Variants in SLC26A11 observed in about 807,000 individuals in gnomAD.
SLC26A11 encodes solute carrier family 26 member 11, also known as sodium-independent sulfate anion transporter.
SLC26A11 carries 58 observed loss-of-function variants against 62.2 expected under a neutral mutation model. That is an observed-to-expected ratio of 0.93 (90% CI 0.76 to 1.16). SLC26A11 has a LOEUF of 1.16. SLC26A11 is among the 50% of genes most tolerant of loss of function. The probability of loss-of-function intolerance (pLI) is 0.00; values close to 1 mark genes in which losing one functional copy is unlikely to be tolerated. For missense variants in SLC26A11, 790 were observed against 794.3 expected (o/e 0.99, Z 0.06); for synonymous variants, 411 against 368.9 (o/e 1.11, Z -1.31).
intron 2 of SLC26A11, chr17:80,221,321 CG>C: frequency 6.3e-6 from 3 of 479,490 alleles, no homozygotes; most frequent in South Asian, 3.9e-5. Flanking sequence ...AGGATTTGCA[CG>C]GGGGGGATTC....
At chr17:80,241,962 C>A in intron 10 of SLC26A11, 141 bp downstream of exon 10, 1 of 918,508 alleles carries the variant, frequency 1.1e-6, no homozygotes, top group Non-Finnish European at 1.8e-6. Context: ...CAGATGGGAT[C>A]TTCTGGAATA....
rs138520983 is a variant in SLC26A11 at position 80,223,319 on chromosome 17, C to G, written c.495C>G (p.Ile165Met). Residue 165 changes from isoleucine to methionine, a missense_variant, in exon 5 of 18, where the codon ATC (isoleucine) becomes ATG (methionine). By Grantham distance (10) the Ile-to-Met change is conservative. Transcript: ENST00000361193. The surrounding 1 kb of genome is among the most constrained non-coding windows in gnomAD (Gnocchi z 4.6). The stretch of plus-strand genomic sequence containing the variant: ...TCACCTCTGCTGCTGCCGTCACCAT[C>G]GGCTTTGGACAGATCAAGGTAGGCA... ...KGFTSAAAVT[I>M]GFGQIKNLLG... 2.2e-5 allele frequency: 35 copies of G among 1,614,146 alleles called. 1 individual carries two copies. Among genetic ancestry groups the G allele is most frequent in the East Asian group, 1.3e-4 (6 of 44,880 alleles).
chr17:80,249,326 C>T (rs766626641), intron 16 of SLC26A11, 39 bp downstream of exon 16: 2 of 1,601,690 alleles, frequency 1.2e-6, no homozygotes, highest in African/African-American at 1.3e-5. Flanking sequence ...TTAGCAGCTG[C>T]CGGAAGGCCT....
intron 9 of SLC26A11, among the ~76,000 whole-genome samples, 191 bp downstream of exon 9, chr17:80,237,785 C>G (rs1299115283): frequency 1.3e-5 from 2 of 152,242 alleles, no homozygotes; most frequent in African/African-American, 4.8e-5. Flanking sequence ...GAGGCATGCC[C>G]TCCCACCCCA....
intron 7 of SLC26A11, among the ~76,000 whole-genome samples, chr17:80,235,389 C>T (rs541832392): frequency 5.8e-4 from 88 of 152,082 alleles, no homozygotes; most frequent in African/African-American, 2.0e-3. Context: ...CAGGGTCTCA[C>T]TGTGTCACCC....
chr17:80,226,775 G>A (rs2144887251), intron 6 of SLC26A11, among the ~76,000 whole-genome samples: 1 of 152,350 alleles, frequency 6.6e-6, no homozygotes, highest in Middle Eastern at 3.4e-3. Flanking sequence ...CAGCGGGAAG[G>A]CAGGATGCCT....
At chr17:80,243,913 C>T (rs999243155) in intron 10 of SLC26A11, among the ~76,000 whole-genome samples, 3 of 152,218 alleles carry the variant, frequency 2.0e-5, no homozygotes, top group African/African-American at 4.8e-5. Context: ...TGGTCAGCTT[C>T]GGCTCACAGA....
rs754003456 is a variant in SLC26A11, at chr17:80,248,614, G to A, written c.1462G>A (p.Gly488Ser). 16 of 1,591,456 alleles carry A rather than the reference G, an allele frequency of 1.0e-5. No homozygotes were observed. Among genetic ancestry groups the A allele is most frequent in the Admixed American group, 1.7e-5 (1 of 57,292 alleles). ...GGTTCTGGTCCTGCAGCCGGCCAGC[G>A]GCCTGTCCTTCCCTGCCATGGAGGC... is the stretch of plus-strand genomic sequence containing the variant. Reference protein sequence around the residue: ...GPVLVLQPASGLSFPAMEALR... With the variant: ...GPVLVLQPASSLSFPAMEALR... The change falls in exon 15 of 18, where the codon GGC becomes AGC. Residue 488 changes from glycine (G) to serine (S), a missense_variant. Physicochemically the swap from Gly to Ser is moderately conservative, Grantham distance 56. Transcript: ENST00000361193.
chr17:80,237,278 C>T (rs563736248), intron 8 of SLC26A11, 175 bp downstream of exon 8: 12 of 867,948 alleles, frequency 1.4e-5, no homozygotes, highest in Admixed American at 5.8e-5. Context: ...GCAAACTCAG[C>T]GAGCTCAGGG....
Position 80,252,899 on chromosome 17 carries a change from G to T in SLC26A11, c.*183G>T. The T allele has an allele frequency of 1.8e-6, 1 of 560,136 alleles. No individual in the cohort carries two copies. The highest frequency in any genetic ancestry group is 1.9e-5 in the African/African-American group (1 of 52,572). The allele number at this position is 560,136 out of a possible 1,614,324, so 34.7% of individuals were successfully genotyped here. A position where few individuals can be genotyped will look rare whatever the true frequency, so the allele number is the denominator to read the frequency against. On this transcript the variant is annotated 3_prime_UTR_variant, in exon 18 of 18. Coordinates refer to ENST00000361193, the MANE Select transcript of SLC26A11 (RefSeq NM_001166347.2). The surrounding 1 kb of genome is among the most constrained non-coding windows in gnomAD (Gnocchi z 5.2). ...CACGGCAGTGGGAGTGGGGCTCACT[G>T]GCTTCCTGTGGGATGACTGGAAAAT...
chr17:80,230,494 G>A (rs1029286240), intron 7 of SLC26A11, among the ~76,000 whole-genome samples: 3 of 152,100 alleles, frequency 2.0e-5, no homozygotes, highest in Non-Finnish European at 4.4e-5. Flanking sequence ...GAAGAAAGGC[G>A]ACCAGCTTAG....
In SLC26A11 at chr17:80,225,829, T is replaced by A. The variant is rs1197144919; in HGVS notation, c.514-8T>A. ...TAGCCTCTGATCAGCATCTCTGTGT[T>A]TGGACAGAACCTGCTGGGACTACAG... On this transcript the variant is annotated splice_region_variant and splice_polypyrimidine_tract_variant and intron_variant, in intron 5 of 17. Coordinates refer to ENST00000361193, the MANE Select transcript of SLC26A11 (RefSeq NM_001166347.2). The A allele has an allele frequency of 6.2e-7, 1 of 1,613,540 alleles. No individual in the cohort carries two copies. The highest frequency in any genetic ancestry group is 8.5e-7 in the Non-Finnish European group (1 of 1,179,578).
In SLC26A11 at chr17:80,223,158, C is replaced by T. The variant is rs1430085777; in HGVS notation, c.428-94C>T. 4 of 1,177,348 alleles carry T rather than the reference C, an allele frequency of 3.4e-6. No homozygotes were observed. Among genetic ancestry groups the T allele is most frequent in the Admixed American group, 1.9e-5 (1 of 53,888 alleles). The allele number at this position is 1,177,348 out of a possible 1,614,324, so 72.9% of individuals were successfully genotyped here. On this transcript the variant is annotated intron_variant, in intron 4 of 17. Coordinates refer to ENST00000361193, the MANE Select transcript of SLC26A11 (RefSeq NM_001166347.2). The surrounding 1 kb of genome is among the most constrained non-coding windows in gnomAD (Gnocchi z 4.6). Reference sequence around the variant, plus strand: ...AGCTGCGGTATCTGCTCCCCAATCCCACCCATTGCCACCTTCCCCAGCTCA... The same window carrying T: ...AGCTGCGGTATCTGCTCCCCAATCCTACCCATTGCCACCTTCCCCAGCTCA...
At chr17:80,245,466 G>T in intron 11 of SLC26A11, 1 of 567,876 alleles carries the variant, frequency 1.8e-6, no homozygotes, top group Non-Finnish European at 3.2e-6. Flanking sequence ...ATACTAGAAA[G>T]TTCCACTGGG....
At chr17:80,247,903 C>T (rs974720193) in intron 13 of SLC26A11, among the ~76,000 whole-genome samples, 7 of 152,182 alleles carry the variant, frequency 4.6e-5, no homozygotes, top group Non-Finnish European at 8.8e-5. Context: ...AGGGACCGGC[C>T]GGCAGGTCTC....
intron 7 of SLC26A11, 165 bp from the exon 8 acceptor site, chr17:80,236,763 A>G (rs1266868307): frequency 1.4e-6 from 1 of 715,328 alleles, no homozygotes; most frequent in Non-Finnish European, 2.3e-6. Flanking sequence ...GCTGCCACAT[A>G]GCATTTATGT....
At chr17:80,243,027 G>T (rs2042905807) in intron 10 of SLC26A11, among the ~76,000 whole-genome samples, 1 of 152,148 alleles carries the variant, frequency 6.6e-6, no homozygotes, top group Non-Finnish European at 1.5e-5. Context: ...CTTAAATTCA[G>T]TTATCATAAC....
intron 14 of SLC26A11, 34 bp from the exon 15 acceptor site, chr17:80,248,541 C>T (rs1438700846): frequency 6.5e-7 from 1 of 1,542,956 alleles, no homozygotes; most frequent in Non-Finnish European, 8.8e-7. Context: ...GCCACCCGGT[C>T]AGACCCGCCT....
rs1055185344 is a variant in SLC26A11, at chr17:80,222,751, C to T, written c.331C>T (p.Leu111=). 1.2e-6 allele frequency: 2 copies of T among 1,614,086 alleles called. No homozygotes were observed. Among genetic ancestry groups the T allele is most frequent in the African/African-American group, 2.7e-5 (2 of 74,942 alleles). The change falls in exon 4 of 18, where the codon CTG becomes TTG. Residue 111 remains leucine (L), a synonymous_variant. Coordinates refer to ENST00000361193, the MANE Select transcript of SLC26A11 (RefSeq NM_001166347.2). This position sits in a 1 kb window ranked among gnomAD's most constrained non-coding sequence, Gnocchi z 4.7. ...GGGCCCCACCGCCATTATGTCCCTC[C>T]TGGTCTCCTTCTACACCTTCCATGA... ...TLGPTAIMSL[L]VSFYTFHEPA... is the part of the protein sequence containing the mutation.
Sources: allele counts gnomAD v4.1 joint callset (sites outside exome capture counted in the v4.1 genomes callset), GRCh38; gene constraint gnomAD v4.1.1; non-coding constraint Gnocchi (gnomAD v3.1); transcripts MANE v1.5; gene names NCBI Gene and HGNC (gene_info 2026-07-23, HGNC 2026-07-21).